RAVER1: variants seen among roughly 807,000 people sequenced by gnomAD.
RAVER1 encodes the protein ribonucleoprotein PTB-binding 1.
Under a neutral mutation model 68.4 loss-of-function variants are expected in RAVER1, and 36 were observed. The ratio of observed to expected loss-of-function variants is 0.53; its 90% confidence interval spans 0.40 to 0.70. RAVER1 has a LOEUF of 0.70. RAVER1 is among the 30% of genes least tolerant of loss of function. RAVER1 has a pLI of 0.00. For missense variants in RAVER1, 933 were observed against 1,019.8 expected (o/e 0.91, Z 1.16); for synonymous variants, 469 against 472.7 (o/e 0.99, Z 0.10).
rs200678259 is a variant in RAVER1 at position 10,323,299 on chromosome 19, C to T, written c.949-25G>A. The T allele has an allele frequency of 1.4e-4, 226 of 1,612,872 alleles. 1 individual carries two copies. In the East Asian group the frequency reaches 5.0e-3, roughly 36 times the overall value. On this transcript the variant is annotated intron_variant, in intron 4 of 12. Coordinates refer to ENST00000617231, the MANE Select transcript of RAVER1 (RefSeq NM_133452.3). This position sits in a 1 kb window ranked among gnomAD's most constrained non-coding sequence, Gnocchi z 6.2. The stretch of plus-strand genomic sequence containing the variant: ...CCTGCAGGAAGGAACAGAAGCAGCT[C>T]AGAGTGCCGCTGGGGCCCTGACATC...
chr19:10,333,523 G>C lies in RAVER1; in HGVS notation c.-16C>G, dbSNP rs777806772. ...CCGCCGCCATCTTGGGAAACCCGGC[G>C]CCTTCTGGGACCAGCGAGCCGGGGC... On this transcript the variant is annotated 5_prime_UTR_variant, in exon 1 of 13. Transcript: ENST00000617231. This position sits in a 1 kb window ranked among gnomAD's most constrained non-coding sequence, Gnocchi z 4.2. 1.3e-6 allele frequency: 2 copies of C among 1,592,106 alleles called. No homozygotes were observed. The highest frequency in any genetic ancestry group is 1.1e-5 in the South Asian group (1 of 90,674).
At chr19:10,330,886 A>G (rs1434166661) in intron 1 of RAVER1, among the ~76,000 whole-genome samples, 1 of 151,590 alleles carries the variant, frequency 6.6e-6, no homozygotes, top group East Asian at 1.9e-4. Context: ...CAACATGGTG[A>G]AACCTTGTCT....
Position 10,318,364 on chromosome 19 carries a change from G to T in RAVER1, c.1854C>A (p.Pro618=), listed in dbSNP as rs781122311. The T allele has an allele frequency of 1.9e-6, 3 of 1,598,772 alleles. No individual in the cohort carries two copies. Among genetic ancestry groups the T allele is most frequent in the Non-Finnish European group, 2.6e-6 (3 of 1,174,712 alleles). Residue 618 remains proline (P), a synonymous_variant, in exon 11 of 13, where the codon CCC becomes CCA. Transcript: ENST00000617231. ...TCCGTTCGCCGAAGCCACTGGGCGG[G>T]GGGGACATCTGTAGAAGAAGGGCCG... is the stretch of plus-strand genomic sequence containing the variant. ...PHGPSRHKMS[P]PPSGFGERSS... is the part of the protein sequence containing the mutation.
Position 10,322,548 on chromosome 19 carries a change from C to T in RAVER1, c.1173+97G>A. On this transcript the variant is annotated intron_variant, in intron 6 of 12. Coordinates refer to ENST00000617231, the MANE Select transcript of RAVER1 (RefSeq NM_133452.3). The surrounding 1 kb of genome is among the most constrained non-coding windows in gnomAD (Gnocchi z 4.3). ...ACCCTGGTTCTGCGCCCCCAGGGCA[C>T]AGCCAGAGGTCCCCCCACCCCACCG... 2 of 906,598 alleles carry T rather than the reference C, an allele frequency of 2.2e-6. No homozygotes were observed. Among genetic ancestry groups the T allele is most frequent in the Non-Finnish European group, 3.3e-6 (2 of 613,124 alleles). The allele number at this position is 906,598 out of a possible 1,614,324, so 56.2% of individuals were successfully genotyped here.
rs758276339 is a variant in RAVER1 at position 10,328,941 on chromosome 19, G to A, written c.457C>T (p.Arg153Trp). The A allele has an allele frequency of 6.2e-6, 10 of 1,608,402 alleles. No homozygotes were observed. The African/African-American group carries it at 6.7e-5, about 11-fold the overall frequency. Residue 153 changes from arginine to tryptophan, a missense_variant, in exon 3 of 13, where the codon CGG becomes TGG. Around this residue, in one of 3 missense-constraint regions of RAVER1, gnomAD observed 211 missense variants for 230.0 expected, o/e 0.92. Coordinates refer to ENST00000617231, the MANE Select transcript of RAVER1 (RefSeq NM_133452.3). The surrounding 1 kb of genome is among the most constrained non-coding windows in gnomAD (Gnocchi z 4.4). ...LTQQQFEELV[R>W]PFGSLERCFL... ...CAGCGCTCCAGGCTGCCGAAGGGCC[G>A]CACCAGCTCCTCGAACTGCTGCTGT... is the stretch of plus-strand genomic sequence containing the variant.
At position 10,318,275 on chromosome 19, in the gene RAVER1, A is replaced by C. The variant is rs2145064602; in HGVS notation, c.1943T>G (p.Phe648Cys). The change falls in exon 11 of 13, where the codon TTC (phenylalanine) becomes TGC (cysteine). Residue 648 changes from phenylalanine to cysteine, a missense_variant. Physicochemically the swap from Phe to Cys is radical, Grantham distance 205. Around this residue, in one of 3 missense-constraint regions of RAVER1, gnomAD observed 699 missense variants for 731.1 expected, o/e 0.96. Coordinates refer to ENST00000617231, the MANE Select transcript of RAVER1 (RefSeq NM_133452.3). ...GAGGCCAGCCTGCAGGCCGCTGGTGAAGTAGGAAGTGGGCGAGCCTGAATA... is the reference window on the plus strand; with the variant it reads ...GAGGCCAGCCTGCAGGCCGCTGGTGCAGTAGGAAGTGGGCGAGCCTGAATA... ...HFYSGSPTSY[F>C]TSGLQAGLKQ... is the part of the protein sequence containing the mutation. 1.2e-6 allele frequency: 2 copies of C among 1,606,220 alleles called. No individual in the cohort carries two copies. The highest frequency in any genetic ancestry group is 2.2e-5 in the South Asian group (2 of 90,076).
intron 1 of RAVER1, among the ~76,000 whole-genome samples, chr19:10,331,132 G>A (rs1482462579): frequency 6.7e-6 from 1 of 150,374 alleles, no homozygotes; most frequent in Non-Finnish European, 1.5e-5. Flanking sequence ...GGTGGATCAC[G>A]AGGTCAGGAG....
chr19:10,330,419 TG>T, intron 2 of RAVER1, 40 bp downstream of exon 2: 2 of 941,996 alleles, frequency 2.1e-6, no homozygotes, highest in Non-Finnish European at 3.4e-6. Flanking sequence ...TCTTCAGGGA[TG>T]GTCACTCCCT....
rs569750477 is a variant in RAVER1 at position 10,331,137 on chromosome 19, C to T, written c.220-611G>A. On this transcript the variant is annotated intron_variant, in intron 1 of 12. Transcript: ENST00000617231. Reference sequence around the variant, plus strand: ...GGCCGAGGCGGGTGGATCACGAGGTCAGGAGATCGAGACCATCCTGGCTAA... The same window carrying T: ...GGCCGAGGCGGGTGGATCACGAGGTTAGGAGATCGAGACCATCCTGGCTAA... Among the ~76,000 whole-genome samples, 523 of 150,942 alleles carry T rather than the reference C, an allele frequency of 3.5e-3. 1 individual carries two copies. The highest frequency in any genetic ancestry group is 5.6e-3 in the South Asian group (27 of 4,786).
intron 9 of RAVER1, among the ~76,000 whole-genome samples, 169 bp from the exon 10 acceptor site, chr19:10,319,409 G>C (rs1263908231): frequency 6.6e-6 from 1 of 152,256 alleles, no homozygotes; most frequent in East Asian, 1.9e-4. Context: ...TGCTGTGAAG[G>C]GGGGTGCCCC....
At position 10,317,561 on chromosome 19, in the gene RAVER1, G is replaced by A; in HGVS notation, c.2113C>T (p.Leu705=). The A allele has an allele frequency of 6.2e-7, 1 of 1,612,488 alleles. No homozygotes were observed. The highest frequency in any genetic ancestry group is 1.1e-5 in the South Asian group (1 of 90,952). ...GGQKRSFAHL[L]PSPEPSPEGS... ...TCTGGGCTGGGCTCGGGCGAGGGCA[G>A]CAGGTGGGCAAAGCTGCGTTTCTGG... Residue 705 remains leucine, a synonymous_variant, in exon 13 of 13, where the codon CTG becomes TTG. Transcript: ENST00000617231. The surrounding 1 kb of genome is among the most constrained non-coding windows in gnomAD (Gnocchi z 4.3).
Position 10,319,252 on chromosome 19 carries a change from C to T in RAVER1, c.1771-12G>A, listed in dbSNP as rs542453795. The T allele has an allele frequency of 1.6e-5, 26 of 1,612,916 alleles. No homozygotes were observed. The highest frequency in any genetic ancestry group is 8.3e-5 in the Admixed American group (5 of 59,982). On this transcript the variant is annotated splice_polypyrimidine_tract_variant and intron_variant, in intron 9 of 12. Transcript: ENST00000617231. ...CGAGGTCCCATGTCCTGAATGAAAG[C>T]GGGAGAAGCACATTGGGTTGGAGTC...
rs1392545097 is a variant in RAVER1 at position 10,317,683 on chromosome 19, C to T, written c.2073+7G>A. 1 of 1,571,326 alleles carries T rather than the reference C, an allele frequency of 6.4e-7. No individual in the cohort carries two copies. Among genetic ancestry groups the T allele is most frequent in the Non-Finnish European group, 8.6e-7 (1 of 1,156,830 alleles). ...CAGCCCTGCATGTCCCCACCCCCTG[C>T]CCGTACCTTCAGCAGGTGGCTGTGA... On this transcript the variant is annotated splice_region_variant and intron_variant, in intron 12 of 12. Transcript: ENST00000617231. This position sits in a 1 kb window ranked among gnomAD's most constrained non-coding sequence, Gnocchi z 4.3.
At chr19:10,320,597 T>TA in intron 9 of RAVER1, 58 bp downstream of exon 9, 1 of 1,446,842 alleles carries the variant, frequency 6.9e-7, no homozygotes, top group African/African-American at 1.5e-5. Flanking sequence ...CCTAGAGAAA[T>TA]ATCAGTTTGG....
At position 10,333,275 on chromosome 19, in the gene RAVER1, GC is replaced by G. The variant is rs750058064; in HGVS notation, c.219+13del. On this transcript the variant is annotated intron_variant, in intron 1 of 12. Transcript: ENST00000617231. This position sits in a 1 kb window ranked among gnomAD's most constrained non-coding sequence, Gnocchi z 4.2. ...GTATTTCCCGCCACGCTCCTACACC[GC>G]CCCCCCCAATACCTGGTTGGTCACG... 1.1e-3 allele frequency: 1,779 copies of G among 1,605,798 alleles called. 20 individuals carry two copies. In the African/African-American group the frequency reaches 0.021, roughly 19 times the overall value.
At chr19:10,321,447 G>T in intron 7 of RAVER1, 84 bp downstream of exon 7, 1 of 1,154,132 alleles carries the variant, frequency 8.7e-7, no homozygotes, top group Non-Finnish European at 1.1e-6. Context: ...GGGACCCAGA[G>T]GTTGGGTCAC....
At chr19:10,321,011 AG>A (rs1211010325) in intron 8 of RAVER1, 36 bp downstream of exon 8, 1 of 1,474,616 alleles carries the variant, frequency 6.8e-7, no homozygotes, top group Non-Finnish European at 8.9e-7. Context: ...GCGGAACAGG[AG>A]GCTGGTGTGG....
At chr19:10,321,471 C>T (rs1443832272) in intron 7 of RAVER1, 60 bp downstream of exon 7, 1 of 1,293,582 alleles carries the variant, frequency 7.7e-7, no homozygotes. Context: ...CCCGAGGCCA[C>T]GTAGCAGGGA....
At position 10,333,528 on chromosome 19, in the gene RAVER1, C is replaced by T. The variant is rs1482952390; in HGVS notation, c.-21G>A. 5.0e-6 allele frequency: 8 copies of T among 1,589,680 alleles called. No individual in the cohort carries two copies. Among genetic ancestry groups the T allele is most frequent in the South Asian group, 1.1e-5 (1 of 90,498 alleles). ...GCCATCTTGGGAAACCCGGCGCCTT[C>T]TGGGACCAGCGAGCCGGGGCGGAGC... On this transcript the variant is annotated 5_prime_UTR_variant, in exon 1 of 13. Coordinates refer to ENST00000617231, the MANE Select transcript of RAVER1 (RefSeq NM_133452.3). This position sits in a 1 kb window ranked among gnomAD's most constrained non-coding sequence, Gnocchi z 4.2.
Sources: allele counts gnomAD v4.1 joint callset (sites outside exome capture counted in the v4.1 genomes callset), GRCh38; gene constraint gnomAD v4.1.1; regional missense constraint gnomAD v4.1.1; non-coding constraint Gnocchi (gnomAD v3.1); transcripts MANE v1.5; gene names NCBI Gene and HGNC (gene_info 2026-07-23, HGNC 2026-07-21).